CDC123: variants seen among roughly 807,000 people sequenced by gnomAD.
CDC123 encodes the protein translation initiation factor eIF2 assembly protein.
A neutral mutation model predicts 54.4 loss-of-function variants in CDC123; 37 were observed. The observed-to-expected ratio is 0.68, with a 90% CI of 0.52 to 0.89. The LOEUF (loss-of-function observed/expected upper bound fraction) is 0.89. CDC123 is among the 40% of genes least tolerant of loss of function. The pLI, the probability that CDC123 is intolerant of heterozygous loss-of-function variation, is 0.00. For missense variants in CDC123, 361 were observed against 412.1 expected, an observed-to-expected ratio of 0.88 and a Z score of 1.07; for synonymous variants, 144 against 136.8, an observed-to-expected ratio of 1.05 and a Z score of -0.37.
At chr10:12,225,550 A>C (rs1283970418) in intron 6 of CDC123, among the ~76,000 whole-genome samples, 1 of 152,066 alleles carries the variant, frequency 6.6e-6, no homozygotes, top group Admixed American at 6.6e-5. Context: ...ACACACCCTG[A>C]GGTTCAGCGT....
At chr10:12,248,799 T>A (rs375545078) in intron 11 of CDC123, among the ~76,000 whole-genome samples, 2 of 106,980 alleles carry the variant, frequency 1.9e-5, no homozygotes, top group African/African-American at 7.7e-5. Context: ...GAGTAAAACT[T>A]CGTCTAAAAA....
chr10:12,242,939 C>T (rs1274909263), intron 10 of CDC123, among the ~76,000 whole-genome samples: 1 of 150,314 alleles, frequency 6.7e-6, no homozygotes, highest in Admixed American at 6.6e-5. Context: ...GAGACTCTGT[C>T]TCAAAAAAAA....
At chr10:12,212,892 A>G (rs907859485) in intron 4 of CDC123, among the ~76,000 whole-genome samples, 4 of 152,234 alleles carry the variant, frequency 2.6e-5, no homozygotes, top group Admixed American at 2.0e-4. Flanking sequence ...GGTCTTACCC[A>G]TTTTGGATAA....
In CDC123 at chr10:12,234,302, C is replaced by T. The variant is rs114821522; in HGVS notation, c.490-746C>T. ...GTAGAGGAGGTTTCACATGTTGGAGCGCAATGGCGCGATCTGGGCTCTCTA... is the reference window on the plus strand; with the variant it reads ...GTAGAGGAGGTTTCACATGTTGGAGTGCAATGGCGCGATCTGGGCTCTCTA... On this transcript the variant is annotated intron_variant, in intron 7 of 12. Transcript: ENST00000281141. Among the ~76,000 whole-genome samples, 946 of 152,246 alleles carry T rather than the reference C, an allele frequency of 6.2e-3. 11 individuals are homozygous for T. The highest frequency in any genetic ancestry group is 0.021 in the African/African-American group (881 of 41,550).
chr10:12,202,015 TTGTC>T (rs1564432146), intron 2 of CDC123, among the ~76,000 whole-genome samples: 2 of 152,212 alleles, frequency 1.3e-5, no homozygotes, highest in South Asian at 2.1e-4. Context: ...GAGAGAAGCA[TTGTC>T]TGTGGAGCCT....
At chr10:12,238,508 A>G in intron 10 of CDC123, 23 bp downstream of exon 10, 1 of 1,606,216 alleles carries the variant, frequency 6.2e-7, no homozygotes. Flanking sequence ...TCTTTCTGAT[A>G]TGCTTTAATA....
rs569088797 is a variant in CDC123 at position 12,226,217 on chromosome 10, C to T, written c.441-4731C>T. Among the ~76,000 whole-genome samples, 65 of 152,332 alleles carry T rather than the reference C, an allele frequency of 4.3e-4. 1 individual carries two copies. Among genetic ancestry groups the T allele is most frequent in the Middle Eastern group, 6.8e-3 (2 of 294 alleles). On this transcript the variant is annotated intron_variant, in intron 6 of 12. Coordinates refer to ENST00000281141, the MANE Select transcript of CDC123 (RefSeq NM_006023.3). ...TCTTTCCTTTCCCCACACTTCCCCC[C>T]CTTCCACTCAACAAAACCGCCATCG...
At chr10:12,248,576 C>A (rs11257618) in intron 11 of CDC123, among the ~76,000 whole-genome samples, 4,533 of 151,830 alleles carry the variant, frequency 0.03, 187 homozygotes, top group South Asian at 0.099. Flanking sequence ...GAGGCTGAGG[C>A]AGGTGGATCA....
chr10:12,202,876 G>A (rs1835460405), intron 2 of CDC123, among the ~76,000 whole-genome samples: 2 of 152,176 alleles, frequency 1.3e-5, no homozygotes, highest in African/African-American at 4.8e-5. Context: ...TTAGCCAGAC[G>A]TGGTGGCGCA....
At chr10:12,215,403 C>CT (rs1223270046) in intron 4 of CDC123, among the ~76,000 whole-genome samples, 1 of 152,152 alleles carries the variant, frequency 6.6e-6, no homozygotes, top group African/African-American at 2.4e-5. Flanking sequence ...TTCCACCTGT[C>CT]TATTTTCTCT....
At chr10:12,229,391 A>G (rs1197354083) in intron 6 of CDC123, among the ~76,000 whole-genome samples, 1 of 152,192 alleles carries the variant, frequency 6.6e-6, no homozygotes, top group Non-Finnish European at 1.5e-5. Flanking sequence ...CTCTTTGTCC[A>G]GAGTTTCTGT....
intron 4 of CDC123, among the ~76,000 whole-genome samples, chr10:12,212,238 G>A (rs1016932298): frequency 6.6e-6 from 1 of 152,204 alleles, no homozygotes; most frequent in Non-Finnish European, 1.5e-5. Context: ...GAGCACGCCT[G>A]ATGCCTTGAT....
At chr10:12,197,044 G>T (rs950215467) in intron 1 of CDC123, among the ~76,000 whole-genome samples, 4 of 152,144 alleles carry the variant, frequency 2.6e-5, no homozygotes, top group Non-Finnish European at 1.5e-5. Context: ...ATAAAGATCG[G>T]ATATGTACTT....
At chr10:12,201,666 T>C (rs1835441728) in intron 2 of CDC123, among the ~76,000 whole-genome samples, 1 of 151,966 alleles carries the variant, frequency 6.6e-6, no homozygotes, top group African/African-American at 2.4e-5. Flanking sequence ...ATTAGGGGTG[T>C]GTGTGGGAGT....
intron 2 of CDC123, among the ~76,000 whole-genome samples, chr10:12,205,112 A>C (rs1475272077): frequency 6.6e-6 from 1 of 150,914 alleles, no homozygotes; most frequent in Non-Finnish European, 1.5e-5. Flanking sequence ...CCATCTTTCT[A>C]CTCTCTATAT....
intron 2 of CDC123, among the ~76,000 whole-genome samples, chr10:12,207,887 T>C (rs1564433617): frequency 6.6e-6 from 1 of 152,214 alleles, no homozygotes; most frequent in African/African-American, 2.4e-5. Flanking sequence ...CTGAGGAGAA[T>C]TAGTTGCTAG....
At chr10:12,235,227 A>G (rs1286339246) in intron 8 of CDC123, 104 bp downstream of exon 8, 18 of 889,698 alleles carry the variant, frequency 2.0e-5, no homozygotes, top group East Asian at 4.8e-5. Context: ...AGGGATGTCA[A>G]TCTGTTTTCA....
rs1404751998 is a variant in CDC123, at chr10:12,235,035, CT to C, written c.490-9del. 22 of 1,609,228 alleles carry C rather than the reference CT, an allele frequency of 1.4e-5. No individual in the cohort carries two copies. The highest frequency in any genetic ancestry group is 6.7e-5 in the East Asian group (3 of 44,850). ...AGGTGTGTTATATTAAATATTTTTT[CT>C]TTTGTTTACAGCTCGTTCTCCGAAA... On this transcript the variant is annotated splice_polypyrimidine_tract_variant and intron_variant, in intron 7 of 12. Coordinates refer to ENST00000281141, the MANE Select transcript of CDC123 (RefSeq NM_006023.3).
At chr10:12,198,329 A>G (rs1040291163) in intron 1 of CDC123, among the ~76,000 whole-genome samples, 1 of 152,168 alleles carries the variant, frequency 6.6e-6, no homozygotes, top group Non-Finnish European at 1.5e-5. Flanking sequence ...ACCAAATGCT[A>G]GTCATCTTCT....
Sources: allele counts gnomAD v4.1 joint callset (sites outside exome capture counted in the v4.1 genomes callset), GRCh38; gene constraint gnomAD v4.1.1; transcripts MANE v1.5; gene names NCBI Gene and HGNC (gene_info 2026-07-23, HGNC 2026-07-21).